KANTR: variants seen among roughly 807,000 people sequenced by gnomAD.
KANTR encodes KANTR integral membrane protein.
intron 2 of KANTR, among the ~76,000 whole-genome samples, chrX:53,136,118 A>G (rs1933416556): frequency 8.9e-6 from 1 of 112,119 alleles, no homozygotes; most frequent in Non-Finnish European, 1.9e-5. Context: ...CCTCTCTGTG[A>G]ATCCAGTTCA....
chrX:53,096,883 C>T (rs1482731850), intron 1 of KANTR, among the ~76,000 whole-genome samples: 3 of 109,100 alleles, frequency 2.7e-5, no homozygotes, highest in African/African-American at 1.0e-4. Flanking sequence ...AATCCCAGCA[C>T]TTTGGGAGGC....
intron 2 of KANTR, among the ~76,000 whole-genome samples, chrX:53,112,389 G>A (rs910902944): frequency 3.6e-5 from 4 of 111,956 alleles, no homozygotes; most frequent in African/African-American, 1.3e-4. Flanking sequence ...GGGCATTTGG[G>A]CTGGTGCCAT....
intron 2 of KANTR, among the ~76,000 whole-genome samples, chrX:53,133,453 A>G (rs1933384150): frequency 9.0e-6 from 1 of 111,209 alleles, no homozygotes; most frequent in African/African-American, 3.3e-5. Flanking sequence ...CCATGGCATC[A>G]TCCTTTAGAG....
downstream of KANTR, chrX:53,143,073 G>T: frequency 8.3e-7 from 1 of 1,203,215 alleles, no homozygotes; most frequent in Non-Finnish European, 1.1e-6. Context: ...CACACTTCAT[G>T]ATGGAGTTGA....
chrX:53,106,406 A>C (rs1414846985), intron 2 of KANTR, among the ~76,000 whole-genome samples: 1 of 108,579 alleles, frequency 9.2e-6, no homozygotes, highest in Non-Finnish European at 1.9e-5. Flanking sequence ...ATCCATTTTG[A>C]GTTATTTTTG....
chrX:53,133,508 A>G (rs1933384386), intron 2 of KANTR, among the ~76,000 whole-genome samples: 1 of 111,895 alleles, frequency 8.9e-6, no homozygotes, highest in Admixed American at 9.4e-5. Context: ...ACACTCTGCT[A>G]ACCTGAGGCC....
chrX:53,143,247 T>A (rs1255410606), downstream of KANTR: 4 of 620,547 alleles, frequency 6.4e-6, no homozygotes, highest in Non-Finnish European at 1.1e-5. Context: ...AGTGGCCATC[T>A]CCTGCTCGAA....
At chrX:53,115,417 C>G (rs1933108316) in intron 2 of KANTR, among the ~76,000 whole-genome samples, 1 of 111,781 alleles carries the variant, frequency 8.9e-6, no homozygotes, top group Admixed American at 9.3e-5. Context: ...TGGGGATGGT[C>G]TGGGACCCAC....
At chrX:53,103,923 C>T (rs1011474098) in intron 2 of KANTR, among the ~76,000 whole-genome samples, 11 of 111,618 alleles carry the variant, frequency 9.9e-5, no homozygotes, top group African/African-American at 3.3e-4. Context: ...CATGGTTCCA[C>T]CAGTTTTCCC....
At chrX:53,122,578 C>T (rs782069898) in intron 2 of KANTR, among the ~76,000 whole-genome samples, 169 of 111,453 alleles carry the variant, frequency 1.5e-3, no homozygotes, top group Non-Finnish European at 1.9e-3. Context: ...AGATTTCCTA[C>T]GGGTTTTATC....
At chrX:53,114,627 G>A (rs1002993119) in intron 2 of KANTR, among the ~76,000 whole-genome samples, 2 of 111,823 alleles carry the variant, frequency 1.8e-5, no homozygotes, top group Admixed American at 9.5e-5. Context: ...AGATGGGCCT[G>A]TTGATTGGGT....
exon 3 of KANTR, chrX:53,142,440 C>G (rs1933516743): frequency 5.2e-6 from 1 of 191,775 alleles, no homozygotes; most frequent in African/African-American, 3.1e-5. Flanking sequence ...CTCAGCCTCC[C>G]CAGTAGCTGG....
At chrX:53,097,350 G>GTCTTTT (rs1556811036) in intron 1 of KANTR, among the ~76,000 whole-genome samples, 1 of 67,977 alleles carries the variant, frequency 1.5e-5, no homozygotes, top group Non-Finnish European at 2.6e-5. Flanking sequence ...TTTGTTTTAA[G>GTCTTTT]TTTTTTTTTT....
chrX:53,104,997 C>G (rs1372096181), intron 2 of KANTR, among the ~76,000 whole-genome samples: 1 of 110,706 alleles, frequency 9.0e-6, no homozygotes, highest in Non-Finnish European at 1.9e-5. Context: ...TGGTCCTCCC[C>G]CTTCAGCCTC....
intron 2 of KANTR, among the ~76,000 whole-genome samples, chrX:53,101,871 C>T (rs920982102): frequency 2.4e-4 from 27 of 110,701 alleles, no homozygotes; most frequent in African/African-American, 8.2e-4. Flanking sequence ...CTGTGGCGTG[C>T]GCCGCTAGTC....
chrX:53,147,490 GAGACTT>G (rs1933593209), downstream of KANTR, among the ~76,000 whole-genome samples: 3 of 111,163 alleles, frequency 2.7e-5, no homozygotes, highest in Non-Finnish European at 5.7e-5. Flanking sequence ...GACCTACAAA[GAGACTT>G]AGACTCCCAC....
chrX:53,095,027 C>T (rs781880359), intron 1 of KANTR, among the ~76,000 whole-genome samples: 25 of 111,847 alleles, frequency 2.2e-4, no homozygotes, highest in Non-Finnish European at 4.3e-4. Flanking sequence ...GTTTTACCCC[C>T]GAGGACATGA....
chrX:53,144,660 TAAAGA>T (rs1933549861), downstream of KANTR, among the ~76,000 whole-genome samples: 2 of 110,382 alleles, frequency 1.8e-5, no homozygotes, highest in East Asian at 5.7e-4. Context: ...TGCACCACTG[TAAAGA>T]AAAGAAAAAA....
At chrX:53,105,545 A>G (rs1017325591) in intron 2 of KANTR, among the ~76,000 whole-genome samples, 1 of 108,052 alleles carries the variant, frequency 9.3e-6, no homozygotes, top group Non-Finnish European at 1.9e-5. Flanking sequence ...GGTGGAGTGC[A>G]GTGGTGTGAT....
Sources: allele counts gnomAD v4.1 joint callset (sites outside exome capture counted in the v4.1 genomes callset), GRCh38; gene constraint gnomAD v4.1.1; transcripts MANE v1.5; gene names NCBI Gene and HGNC (gene_info 2026-07-23, HGNC 2026-07-21).